Variants in CKAP5 observed in about 807,000 individuals in gnomAD.
The protein encoded by CKAP5 is cytoskeleton-associated protein 5.
CKAP5 carries 27 observed loss-of-function variants against 232.8 expected under a neutral mutation model. The observed-to-expected ratio is 0.12, with a 90% CI of 0.09 to 0.16. The LOEUF is 0.16. Ranked by LOEUF, CKAP5 falls within the 10% of genes least tolerant of loss-of-function variation. CKAP5 has a pLI of 1.00. For missense variants in CKAP5, 1,838 were observed against 2,424.7 expected, an observed-to-expected ratio of 0.76 and a Z score of 5.08; for synonymous variants, 785 against 841.1, an observed-to-expected ratio of 0.93 and a Z score of 1.16.
intron 35 of CKAP5, among the ~76,000 whole-genome samples, chr11:46,757,388 G>A (rs1437546954): frequency 6.6e-6 from 1 of 151,164 alleles, no homozygotes; most frequent in Non-Finnish European, 1.5e-5. Flanking sequence ...AGCTGCTAGG[G>A]AGGCCGAGGC....
chr11:46,790,223 C>T (rs1938684337), intron 14 of CKAP5, 37 bp from the exon 15 acceptor site: 2 of 1,395,680 alleles, frequency 1.4e-6, no homozygotes, highest in East Asian at 4.6e-5. Flanking sequence ...TTAGGAATTG[C>T]TTAAGGGAAC....
At position 46,792,646 on chromosome 11, in the gene CKAP5, C is replaced by T. The variant is rs563462097; in HGVS notation, c.1651-2063G>A. ...ACATGATAGCTGGCTCAGTGGCTCACGTGCTGCTGATATTGTCCTACTTAT... is the reference window on the plus strand; with the variant it reads ...ACATGATAGCTGGCTCAGTGGCTCATGTGCTGCTGATATTGTCCTACTTAT... On this transcript the variant is annotated intron_variant, in intron 13 of 43. Coordinates refer to ENST00000529230, the MANE Select transcript of CKAP5 (RefSeq NM_001008938.4). Among the ~76,000 whole-genome samples the T allele has an allele frequency of 6.6e-5, 10 of 152,268 alleles. No homozygotes were observed. The South Asian group carries it at 1.9e-3, about 28-fold the overall frequency.
At chr11:46,781,397 T>C (rs887491698) in intron 18 of CKAP5, among the ~76,000 whole-genome samples, 4 of 144,118 alleles carry the variant, frequency 2.8e-5, no homozygotes, top group Non-Finnish European at 6.0e-5. Context: ...CTGTCTTCTC[T>C]GACAACAGTC....
intron 9 of CKAP5, 25 bp from the exon 10 acceptor site, chr11:46,798,197 T>C: frequency 2.7e-6 from 4 of 1,468,392 alleles, no homozygotes; most frequent in Non-Finnish European, 3.8e-6. Context: ...GGCTAGCACA[T>C]TATTCAGCAA....
chr11:46,769,890 A>G (rs898029580), intron 26 of CKAP5, 73 bp downstream of exon 26: 38 of 1,514,454 alleles, frequency 2.5e-5, no homozygotes, highest in Non-Finnish European at 3.2e-5. Context: ...TTTAAAAAAG[A>G]CAAGGCTGAA....
intron 8 of CKAP5, 115 bp from the exon 9 acceptor site, chr11:46,801,419 C>T (rs2134657105): frequency 1.4e-6 from 1 of 739,318 alleles, no homozygotes. Flanking sequence ...CCTGTAATCC[C>T]AGCACTTTGG....
rs768861815 is a variant in CKAP5, at chr11:46,778,204, G to T, written c.2683C>A (p.Gln895Lys). The part of the protein sequence containing the change: ...AGIINDAKFI[Q>K]PNIGELPTAL... ...GTTGGAAGTTCACCTATATTCGGTT[G>T]GATAAATTTTGCGTCATTAATAATA... Residue 895 changes from glutamine (Q) to lysine (K), a missense_variant, in exon 22 of 44, where the codon CAA (glutamine) becomes AAA (lysine). Transcript: ENST00000529230. 19 of 1,613,888 alleles carry T rather than the reference G, an allele frequency of 1.2e-5. No individual in the cohort carries two copies. In the South Asian group the frequency reaches 1.9e-4, roughly 16 times the overall value.
intron 1 of CKAP5, among the ~76,000 whole-genome samples, chr11:46,822,289 C>G (rs1226242031): frequency 6.6e-6 from 1 of 151,498 alleles, no homozygotes; most frequent in Non-Finnish European, 1.5e-5. Flanking sequence ...TCAAAAAAAC[C>G]AAAAATTTGT....
intron 20 of CKAP5, among the ~76,000 whole-genome samples, chr11:46,779,135 T>A (rs555250768): frequency 1.2e-4 from 18 of 149,202 alleles, no homozygotes; most frequent in East Asian, 5.9e-4. Context: ...AACATAAAAA[T>A]TTTTTTTTTT....
In CKAP5 at chr11:46,768,727, G is replaced by T. The variant is rs767640479; in HGVS notation, c.3323-1064C>A. ...CTCCTGGGTAGCTGGGACCACAGGT[G>T]TGCGCCACCAAGACTAGCTAATTTT... is the stretch of plus-strand genomic sequence containing the variant. On this transcript the variant is annotated intron_variant, in intron 26 of 43. Transcript: ENST00000529230. Among the ~76,000 whole-genome samples, 47 of 150,654 alleles carry T rather than the reference G, an allele frequency of 3.1e-4. 1 individual carries two copies. The highest frequency in any genetic ancestry group is 3.5e-3 in the Middle Eastern group (1 of 288).
intron 35 of CKAP5, 131 bp from the exon 36 acceptor site, chr11:46,755,198 C>T: frequency 3.1e-6 from 2 of 637,300 alleles, no homozygotes; most frequent in East Asian, 3.3e-5. Context: ...TAAAAAAAAG[C>T]CCATTTACTT....
intron 4 of CKAP5, among the ~76,000 whole-genome samples, chr11:46,812,648 C>T (rs4752938): frequency 2.0e-5 from 3 of 152,102 alleles, no homozygotes; most frequent in Non-Finnish European, 4.4e-5. Flanking sequence ...TTTGTTTTTA[C>T]TTTTTTGGAG....
chr11:46,743,718 T>G lies in CKAP5; in HGVS notation c.*305A>C. 1 of 311,446 alleles carries G rather than the reference T, an allele frequency of 3.2e-6. No individual in the cohort carries two copies. The highest frequency in any genetic ancestry group is 5.9e-6 in the Non-Finnish European group (1 of 170,304). 19.3% of individuals were successfully genotyped at this position (311,446 alleles called of 1,614,324 possible). ...AAAGCTAGGAAAGATTAGGACAATT[T>G]TACAAATGAGCAATTAAAAAGAAAA... On this transcript the variant is annotated 3_prime_UTR_variant, in exon 44 of 44. Transcript: ENST00000529230.
chr11:46,805,266 A>G (rs947748177), intron 8 of CKAP5, among the ~76,000 whole-genome samples: 3 of 152,064 alleles, frequency 2.0e-5, no homozygotes, highest in Non-Finnish European at 4.4e-5. Context: ...AAATAATAGA[A>G]AAAAAAGAAC....
chr11:46,753,785 G>C (rs1214266409), intron 36 of CKAP5, among the ~76,000 whole-genome samples: 1 of 151,550 alleles, frequency 6.6e-6, no homozygotes, highest in East Asian at 1.9e-4. Context: ...GTAGAGATGG[G>C]GTTTCACCGT....
At position 46,821,278 on chromosome 11, in the gene CKAP5, T is replaced by C. The variant is rs200773918; in HGVS notation, c.-37-10A>G. 5.5e-6 allele frequency: 8 copies of C among 1,447,572 alleles called. No homozygotes were observed. In the Admixed American group the frequency reaches 1.2e-4, roughly 22 times the overall value. 89.7% of individuals were successfully genotyped at this position (1,447,572 alleles called of 1,614,324 possible). A position where few individuals can be genotyped will look rare whatever the true frequency, so the allele number is the denominator to read the frequency against. On this transcript the variant is annotated splice_polypyrimidine_tract_variant and intron_variant, in intron 1 of 43. Coordinates refer to ENST00000529230, the MANE Select transcript of CKAP5 (RefSeq NM_001008938.4). ...GAATTAAGAGTATTTCCTGGTCAGATAAAGGTAGAAACCTGCTTAGCAACC... is the reference window on the plus strand; with the variant it reads ...GAATTAAGAGTATTTCCTGGTCAGACAAAGGTAGAAACCTGCTTAGCAACC...
intron 1 of CKAP5, among the ~76,000 whole-genome samples, chr11:46,835,536 A>G (rs971753436): frequency 7.2e-5 from 11 of 152,236 alleles, no homozygotes; most frequent in African/African-American, 2.7e-4. Context: ...GAGCCAACCA[A>G]AAAGAGCTCC....
At chr11:46,750,821 C>T (rs899890594) in intron 40 of CKAP5, among the ~76,000 whole-genome samples, 3 of 152,202 alleles carry the variant, frequency 2.0e-5, no homozygotes, top group Non-Finnish European at 2.9e-5. Context: ...TCCACCTCAA[C>T]TTGATGGAGA....
intron 2 of CKAP5, 35 bp from the exon 3 acceptor site, chr11:46,818,538 A>C: frequency 7.1e-7 from 1 of 1,402,552 alleles, no homozygotes; most frequent in Non-Finnish European, 9.5e-7. Context: ...ACAAAACATA[A>C]TTTAATGATA....
Sources: allele counts gnomAD v4.1 joint callset (sites outside exome capture counted in the v4.1 genomes callset), GRCh38; gene constraint gnomAD v4.1.1; transcripts MANE v1.5; gene names NCBI Gene and HGNC (gene_info 2026-07-23, HGNC 2026-07-21).